The following EYA4 variants were observed in gnomAD, a reference collection of about 807,000 sequenced individuals.
The protein encoded by EYA4 is EYA transcriptional coactivator and phosphatase 4.
In EYA4, 31 loss-of-function variants were observed where a neutral mutation model predicts 87.9. The observed-to-expected ratio is 0.35, with a 90% CI of 0.27 to 0.48. The LOEUF (loss-of-function observed/expected upper bound fraction) is 0.48. Among genes scored for constraint, EYA4 ranks in the 20% least tolerant of loss-of-function variants. EYA4 has a pLI of 0.99. For missense variants in EYA4, 678 were observed against 761.4 expected (o/e 0.89, Z 1.29); for synonymous variants, 263 against 270.6 (o/e 0.97, Z 0.28).
rs34316449 is a variant in EYA4 at position 133,491,951 on chromosome 6, C to CAAAAAAAAAAAA, written c.1191+8845_1191+8856dup. Among the ~76,000 whole-genome samples the CAAAAAAAAAAAA allele has an allele frequency of 7.3e-3, 613 of 83,634 alleles. 20 individuals are homozygous for CAAAAAAAAAAAA. Among genetic ancestry groups the CAAAAAAAAAAAA allele is most frequent in the African/African-American group, 0.027 (579 of 21,204 alleles). 54.9% of individuals were successfully genotyped at this position (83,634 alleles called of 152,430 possible). ...TGGGGGACAGAGTGAAACTCCGTCT[C>CAAAAAAAAAAAA]AAAAAAAAAAAAAAAAAAAAGAGGA... On this transcript the variant is annotated intron_variant, in intron 13 of 19. Transcript: ENST00000355286.
chr6:133,510,522 C>A, intron 14 of EYA4: 1 of 278,146 alleles, frequency 3.6e-6, no homozygotes, highest in Non-Finnish European at 7.3e-6. Context: ...AAAATCTCTC[C>A]ACTCTTTTCC....
chr6:133,324,356 A>C (rs1248611387), intron 2 of EYA4, among the ~76,000 whole-genome samples: 2 of 152,210 alleles, frequency 1.3e-5, no homozygotes. Context: ...GAAATGGAAG[A>C]AATTTAGAAT....
chr6:133,274,212 T>C (rs940424907), intron 1 of EYA4, among the ~76,000 whole-genome samples: 11 of 152,212 alleles, frequency 7.2e-5, no homozygotes, highest in Admixed American at 7.2e-4. Context: ...TTTTTAAGGT[T>C]GGTCATGTAT....
At chr6:133,457,897 A>G (rs936408420) in intron 6 of EYA4, among the ~76,000 whole-genome samples, 2 of 152,128 alleles carry the variant, frequency 1.3e-5, no homozygotes, top group African/African-American at 4.8e-5. Context: ...AAGCTGAATG[A>G]CAAAACTATA....
chr6:133,360,348 A>G (rs573709096), intron 2 of EYA4: 1 of 152,310 alleles, frequency 6.6e-6, no homozygotes, highest in South Asian at 2.1e-4. Context: ...GTAGAAGAAC[A>G]GTGAGCTCCA....
At chr6:133,472,739 G>C (rs1003962842) in intron 11 of EYA4, among the ~76,000 whole-genome samples, 2 of 104,306 alleles carry the variant, frequency 1.9e-5, no homozygotes, top group Non-Finnish European at 3.9e-5. Context: ...AAGTCTCTTT[G>C]TAGGTCACTG....
chr6:133,480,308 A>T (rs1796094751), intron 11 of EYA4, among the ~76,000 whole-genome samples: 1 of 152,228 alleles, frequency 6.6e-6, no homozygotes, highest in Non-Finnish European at 1.5e-5. Flanking sequence ...ATCCTGGAAG[A>T]CAAGGACTGA....
At chr6:133,520,986 T>C (rs1800069776) in intron 17 of EYA4, among the ~76,000 whole-genome samples, 2 of 151,614 alleles carry the variant, frequency 1.3e-5, no homozygotes, top group African/African-American at 2.4e-5. Context: ...AAGACTTAAA[T>C]GTTAGACCTA....
chr6:133,261,078 G>A (rs1159302805), intron 1 of EYA4, among the ~76,000 whole-genome samples: 1 of 152,024 alleles, frequency 6.6e-6, no homozygotes, highest in Non-Finnish European at 1.5e-5. Flanking sequence ...TTGTCTTATT[G>A]ATGTATCTCT....
rs1773947916 is a variant in EYA4, at chr6:133,241,653, G to T, written c.-162G>T. On this transcript the variant is annotated 5_prime_UTR_variant, in exon 1 of 20. Coordinates refer to ENST00000355286, the MANE Select transcript of EYA4 (RefSeq NM_004100.5). The stretch of plus-strand genomic sequence containing the variant: ...AGGCACAGCGCGAAGGGGAAACTTC[G>T]ACACTGGAAGGAACGAGAATAAATA... The T allele has an allele frequency of 6.6e-6, 1 of 152,276 alleles. No individual in the cohort carries two copies. The highest frequency in any genetic ancestry group is 2.4e-5 in the African/African-American group (1 of 41,434). 9.4% of individuals were successfully genotyped at this position (152,276 alleles called of 1,614,324 possible). A position where few individuals can be genotyped will look rare whatever the true frequency, so the allele number is the denominator to read the frequency against.
chr6:133,488,107 A>T (rs1336531436), intron 13 of EYA4, among the ~76,000 whole-genome samples: 1 of 152,206 alleles, frequency 6.6e-6, no homozygotes, highest in African/African-American at 2.4e-5. Context: ...ATTACTTGCC[A>T]TGGGCCTGGA....
chr6:133,317,902 C>CCCCATCCACCCA, intron 2 of EYA4, among the ~76,000 whole-genome samples: 1 of 151,604 alleles, frequency 6.6e-6, no homozygotes, highest in Non-Finnish European at 1.5e-5. Flanking sequence ...TCCCCCGGTG[C>CCCCATCCACCCA]CCCATCCACC....
chr6:133,396,998 A>G (rs911918081), intron 3 of EYA4, among the ~76,000 whole-genome samples: 22 of 152,216 alleles, frequency 1.4e-4, no homozygotes, highest in Non-Finnish European at 7.3e-5. Context: ...TTCACATCTC[A>G]TGGACTTAAA....
intron 2 of EYA4, among the ~76,000 whole-genome samples, chr6:133,357,520 A>T (rs1487444956): frequency 2.6e-5 from 4 of 152,188 alleles, no homozygotes; most frequent in Non-Finnish European, 1.5e-5. Flanking sequence ...AACTGAAGAA[A>T]TTATTCAGAA....
At chr6:133,459,981 T>G (rs1794235384) in intron 6 of EYA4, among the ~76,000 whole-genome samples, 1 of 152,108 alleles carries the variant, frequency 6.6e-6, no homozygotes, top group South Asian at 2.1e-4. Flanking sequence ...TTAAACACAT[T>G]AAATGATGCA....
chr6:133,511,884 G>A (rs1320019037), intron 14 of EYA4, among the ~76,000 whole-genome samples: 1 of 152,062 alleles, frequency 6.6e-6, no homozygotes, highest in Non-Finnish European at 1.5e-5. Flanking sequence ...GGGAGGCTGA[G>A]GCAGGAGAAT....
chr6:133,433,283 T>G (rs1791351047), intron 3 of EYA4, among the ~76,000 whole-genome samples: 1 of 152,204 alleles, frequency 6.6e-6, no homozygotes, highest in Admixed American at 6.5e-5. Flanking sequence ...TAGTCTTTTG[T>G]GACAGCAGTA....
At chr6:133,515,573 C>A in intron 17 of EYA4, 138 bp downstream of exon 17, 1 of 659,380 alleles carries the variant, frequency 1.5e-6, no homozygotes, top group South Asian at 1.6e-5. Context: ...GTGATTTTTT[C>A]AATTTCAGTG....
At chr6:133,372,406 G>A (rs1388879869) in intron 2 of EYA4, among the ~76,000 whole-genome samples, 2 of 151,368 alleles carry the variant, frequency 1.3e-5, no homozygotes, top group East Asian at 3.9e-4. Flanking sequence ...TTTTATTTTA[G>A]GATTAAAACC....
Sources: allele counts gnomAD v4.1 joint callset (sites outside exome capture counted in the v4.1 genomes callset), GRCh38; gene constraint gnomAD v4.1.1; transcripts MANE v1.5; gene names NCBI Gene and HGNC (gene_info 2026-07-23, HGNC 2026-07-21).